The following DHTKD1 variants were observed in gnomAD, a reference collection of about 807,000 sequenced individuals.
The protein encoded by DHTKD1 is dehydrogenase E1 and transketolase domain containing 1.
DHTKD1 carries 78 observed loss-of-function variants against 101.8 expected under a neutral mutation model. That is an observed-to-expected ratio of 0.77 (90% CI 0.64 to 0.93). DHTKD1 has a LOEUF of 0.93. DHTKD1 is among the 40% of genes least tolerant of loss of function. DHTKD1 has a pLI of 0.00. For missense variants in DHTKD1, 1,223 were observed against 1,161.7 expected (o/e 1.05, Z -0.77); for synonymous variants, 462 against 450.3 (o/e 1.03, Z -0.33).
At chr10:12,090,707 A>T (rs1015923008) in intron 5 of DHTKD1, among the ~76,000 whole-genome samples, 7 of 152,014 alleles carry the variant, frequency 4.6e-5, no homozygotes, top group African/African-American at 1.7e-4. Context: ...AGCTGGTTTC[A>T]AATTCCTAGC....
chr10:12,069,304 G>C, intron 1 of DHTKD1, 117 bp downstream of exon 1: 1 of 895,104 alleles, frequency 1.1e-6, no homozygotes, highest in Non-Finnish European at 1.6e-6. Context: ...ACGCGCGGCC[G>C]GTGGGGAGGA....
chr10:12,119,194 T>C (rs1415597246), intron 15 of DHTKD1, among the ~76,000 whole-genome samples: 2 of 148,346 alleles, frequency 1.3e-5, no homozygotes, highest in South Asian at 2.2e-4. Flanking sequence ...TAGTCCCAGC[T>C]CCTTGGGAGC....
At chr10:12,078,647 G>T (rs891407829) in intron 1 of DHTKD1, among the ~76,000 whole-genome samples, 2 of 152,076 alleles carry the variant, frequency 1.3e-5, no homozygotes, top group African/African-American at 2.4e-5. Context: ...GTGATCTCTA[G>T]GCATTGACAT....
In DHTKD1 at chr10:12,087,778, A is replaced by G. The variant is rs769981910; in HGVS notation, c.717+49A>G. On this transcript the variant is annotated intron_variant, in intron 4 of 16. Transcript: ENST00000263035. The surrounding 1 kb of genome is among the most constrained non-coding windows in gnomAD (Gnocchi z 5.2). ...CAGTAGCACTATATGATTGATTGTA[A>G]CAGAATAAAACTGCTGGTTTCATTC... 7.0e-7 allele frequency: 1 copy of G among 1,425,436 alleles called. No homozygotes were observed. Among genetic ancestry groups the G allele is most frequent in the East Asian group, 2.5e-5 (1 of 40,670 alleles). The allele number at this position is 1,425,436 out of a possible 1,614,324, so 88.3% of individuals were successfully genotyped here.
At chr10:12,082,289 G>T (rs963930202) in intron 2 of DHTKD1, among the ~76,000 whole-genome samples, 1 of 152,148 alleles carries the variant, frequency 6.6e-6, no homozygotes, top group Non-Finnish European at 1.5e-5. Context: ...AGTGGCAGAG[G>T]TGGGGTGAAA....
intron 12 of DHTKD1, 77 bp downstream of exon 12, chr10:12,108,092 A>G (rs1382486736): frequency 6.8e-6 from 7 of 1,026,010 alleles, no homozygotes; most frequent in Non-Finnish European, 1.1e-5. Flanking sequence ...CGGATAGCTT[A>G]ACGCCCACCT....
chr10:12,116,465 A>G (rs1833418944), intron 13 of DHTKD1: 1 of 150,970 alleles, frequency 6.6e-6, no homozygotes, highest in African/African-American at 2.4e-5. Flanking sequence ...ATCTCAGCCC[A>G]CTGCAACCTC....
intron 3 of DHTKD1, among the ~76,000 whole-genome samples, chr10:12,086,226 C>CT (rs1383034039): frequency 1.1e-4 from 1 of 9,148 alleles, no homozygotes; most frequent in African/African-American, 2.4e-4. Context: ...GTTTTCTTTT[C>CT]TTTTTTTTTT....
intron 14 of DHTKD1, 90 bp downstream of exon 14, chr10:12,117,845 GATCTCCCCTCTCCT>G (rs150894641): frequency 3.0e-5 from 1 of 33,188 alleles, no homozygotes; most frequent in African/African-American, 1.4e-4. Context: ...AGGTGATGCA[GATCTCCCCTCTCCT>G]ATTTTTATTT....
chr10:12,081,531 A>C lies in DHTKD1; in HGVS notation c.214A>C (p.Lys72Gln), dbSNP rs770703100. 4 of 1,614,012 alleles carry C rather than the reference A, an allele frequency of 2.5e-6. No individual in the cohort carries two copies. The highest frequency in any genetic ancestry group is 3.4e-6 in the Non-Finnish European group (4 of 1,180,024). ...VYCEHGHKAAKINPLFTGQAL... is the reference protein window; with the variant it reads ...VYCEHGHKAAQINPLFTGQAL... ...TTGTGAGCATGGTCATAAAGCTGCC[A>C]AAATCAACCCCCTCTTCACCGGACA... Residue 72 changes from lysine (K) to glutamine (Q), a missense_variant, in exon 2 of 17, where the codon AAA (lysine) becomes CAA (glutamine). Transcript: ENST00000263035.
rs1302606395 is a variant in DHTKD1, at chr10:12,121,368, G to C, written c.*480G>C. The C allele has an allele frequency of 6.4e-6, 1 of 157,036 alleles. No homozygotes were observed. The highest frequency in any genetic ancestry group is 1.4e-5 in the Non-Finnish European group (1 of 70,630). 9.7% of individuals were successfully genotyped at this position (157,036 alleles called of 1,614,324 possible). On this transcript the variant is annotated 3_prime_UTR_variant, in exon 17 of 17. Coordinates refer to ENST00000263035, the MANE Select transcript of DHTKD1 (RefSeq NM_018706.7). The stretch of plus-strand genomic sequence containing the variant: ...TCTGCAATAGGTGGAATAACCAGGG[G>C]AACTGGTTATGAATATGTGAATGCA...
In DHTKD1 at chr10:12,069,088, CTCT is replaced by C. The variant is rs1221066375; in HGVS notation, c.59_61del (p.Phe20del). On this transcript the variant is annotated inframe_deletion, in exon 1 of 17. Transcript: ENST00000263035. ...ACGGGGCCTCGGCCGGGCTCTCCCT[CTCT>C]TCTGGCGTGGCTACCAGACCGAGCG... 6.2e-7 allele frequency: 1 copy of C among 1,612,672 alleles called. No homozygotes were observed. Among genetic ancestry groups the C allele is most frequent in the African/African-American group, 1.3e-5 (1 of 74,872 alleles).
At chr10:12,088,874 C>T (rs1832943553) in intron 4 of DHTKD1, 112 bp from the exon 5 acceptor site, 2 of 981,146 alleles carry the variant, frequency 2.0e-6, no homozygotes, top group Admixed American at 2.2e-5. Flanking sequence ...CATAAGCCAC[C>T]ACTCCTGGCT....
intron 8 of DHTKD1, 21 bp from the exon 9 acceptor site, chr10:12,100,157 T>A (rs771705514): frequency 4.8e-6 from 7 of 1,472,214 alleles, no homozygotes; most frequent in South Asian, 1.2e-5. Flanking sequence ...TTCCTTTTTT[T>A]TCTTCCTCTG....
chr10:12,113,372 A>G (rs1833366744), intron 13 of DHTKD1, among the ~76,000 whole-genome samples: 1 of 151,882 alleles, frequency 6.6e-6, no homozygotes, highest in African/African-American at 2.4e-5. Flanking sequence ...TAATTTTTGT[A>G]TTTTTAGTAG....
At chr10:12,082,262 A>G (rs1350771150) in intron 2 of DHTKD1, among the ~76,000 whole-genome samples, 3 of 152,212 alleles carry the variant, frequency 2.0e-5, no homozygotes, top group Admixed American at 6.6e-5. Flanking sequence ...GAGGACTTAT[A>G]TGACTCATAG....
In DHTKD1 at chr10:12,069,201, C is replaced by A; in HGVS notation, c.154+14C>A. 6.5e-7 allele frequency: 1 copy of A among 1,535,316 alleles called. No homozygotes were observed. Among genetic ancestry groups the A allele is most frequent in the Non-Finnish European group, 8.8e-7 (1 of 1,141,646 alleles). On this transcript the variant is annotated intron_variant, in intron 1 of 16. Coordinates refer to ENST00000263035, the MANE Select transcript of DHTKD1 (RefSeq NM_018706.7). ...AGCGCCCCCCAGGTCGGGGATGGGG[C>A]CCGGGCGGTGGGAGCGGGGGCTGGG...
chr10:12,120,709 T>G, intron 16 of DHTKD1, 78 bp from the exon 17 acceptor site: 2 of 1,174,708 alleles, frequency 1.7e-6, no homozygotes, highest in African/African-American at 1.5e-5. Flanking sequence ...GAGAAATACA[T>G]GCACTGTCTT....
intron 2 of DHTKD1, among the ~76,000 whole-genome samples, chr10:12,082,000 G>A (rs1367773604): frequency 6.6e-6 from 1 of 151,450 alleles, no homozygotes; most frequent in Non-Finnish European, 1.5e-5. Context: ...GGTGGTGCAC[G>A]CCTATAGTTC....
Sources: allele counts gnomAD v4.1 joint callset (sites outside exome capture counted in the v4.1 genomes callset), GRCh38; gene constraint gnomAD v4.1.1; non-coding constraint Gnocchi (gnomAD v3.1); transcripts MANE v1.5; gene names NCBI Gene and HGNC (gene_info 2026-07-23, HGNC 2026-07-21).